Variants in TCF12 observed in about 807,000 individuals in gnomAD.
TCF12 encodes the protein DNA-binding protein HTF4.
TCF12 carries 45 observed loss-of-function variants against 86.0 expected under a neutral mutation model. The ratio of observed to expected loss-of-function variants is 0.52; its 90% CI spans 0.41 to 0.67. The LOEUF (loss-of-function observed/expected upper bound fraction) is 0.67. Among genes scored for constraint, TCF12 ranks in the 30% least tolerant of loss-of-function variants. The pLI is 0.00. For missense variants in TCF12, 881 were observed against 859.9 expected, an observed-to-expected ratio of 1.02 and a Z score of -0.31; for synonymous variants, 330 against 299.6, an observed-to-expected ratio of 1.10 and a Z score of -1.05.
intron 12 of TCF12, among the ~76,000 whole-genome samples, chr15:57,241,072 G>A (rs1417131948): frequency 6.6e-6 from 1 of 151,244 alleles, no homozygotes; most frequent in Non-Finnish European, 1.5e-5. Flanking sequence ...GTTTTAAAAG[G>A]TAACAACTTA....
At chr15:57,002,911 AC>A (rs1326813372) in intron 3 of TCF12, among the ~76,000 whole-genome samples, 1 of 152,220 alleles carries the variant, frequency 6.6e-6, no homozygotes, top group Non-Finnish European at 1.5e-5. Context: ...AAAGAGGATC[AC>A]TTCTAAAATC....
intron 3 of TCF12, among the ~76,000 whole-genome samples, chr15:56,923,425 TG>T (rs1463824486): frequency 1.3e-5 from 2 of 152,132 alleles, no homozygotes; most frequent in African/African-American, 4.8e-5. Context: ...GGATCTGTTA[TG>T]TTATTCCTTC....
chr15:57,022,037 C>A (rs548859876), intron 3 of TCF12, among the ~76,000 whole-genome samples: 13 of 150,984 alleles, frequency 8.6e-5, no homozygotes, highest in African/African-American at 3.2e-4. Context: ...ATTTGTCAGG[C>A]AGATCTTTTC....
At chr15:57,248,685 A>G (rs1020307982) in intron 13 of TCF12, among the ~76,000 whole-genome samples, 1 of 152,260 alleles carries the variant, frequency 6.6e-6, no homozygotes, top group Non-Finnish European at 1.5e-5. Flanking sequence ...ATGCTTTAAC[A>G]AAGTGCGTTA....
chr15:57,270,406 A>G (rs915816391), intron 18 of TCF12, among the ~76,000 whole-genome samples: 18 of 152,136 alleles, frequency 1.2e-4, no homozygotes, highest in African/African-American at 4.3e-4. Flanking sequence ...TTTCAGCTCC[A>G]TCAGGTCATT....
chr15:57,255,287 C>CG, intron 16 of TCF12, among the ~76,000 whole-genome samples: 1 of 152,198 alleles, frequency 6.6e-6, no homozygotes, highest in East Asian at 1.9e-4. Flanking sequence ...GGAGACTTAT[C>CG]AAAATGTAGT....
chr15:57,265,922 A>G (rs184426602), intron 18 of TCF12, among the ~76,000 whole-genome samples: 3 of 152,298 alleles, frequency 2.0e-5, no homozygotes, highest in East Asian at 3.9e-4. Flanking sequence ...CTCCAGTATA[A>G]TAAGACCACT....
chr15:57,106,660 G>GA (rs2050151991), intron 5 of TCF12, among the ~76,000 whole-genome samples: 2 of 152,094 alleles, frequency 1.3e-5, no homozygotes, highest in African/African-American at 2.4e-5. Flanking sequence ...AAAATATTTG[G>GA]AAAAGACATG....
intron 8 of TCF12, among the ~76,000 whole-genome samples, chr15:57,211,343 T>A (rs1336234246): frequency 6.6e-6 from 1 of 152,126 alleles, no homozygotes; most frequent in East Asian, 1.9e-4. Context: ...GGTGGGAGGA[T>A]TGCTTGAGCC....
chr15:56,939,139 A>T (rs1025199266), intron 3 of TCF12, among the ~76,000 whole-genome samples: 4 of 152,168 alleles, frequency 2.6e-5, no homozygotes, highest in Non-Finnish European at 4.4e-5. Flanking sequence ...CATTTACGAA[A>T]TCTTCCCCAG....
At chr15:57,035,965 G>C (rs1383411751) in intron 3 of TCF12, among the ~76,000 whole-genome samples, 1 of 152,164 alleles carries the variant, frequency 6.6e-6, no homozygotes, top group Non-Finnish European at 1.5e-5. Flanking sequence ...CGTGTGGGGG[G>C]ATCTAGATTG....
chr15:57,128,115 A>G (rs1215115111), intron 5 of TCF12, among the ~76,000 whole-genome samples: 2 of 152,178 alleles, frequency 1.3e-5, no homozygotes, highest in East Asian at 3.8e-4. Flanking sequence ...GGCTGTCTTC[A>G]GTATATTTTC....
chr15:57,247,211 C>A (rs1386060509), intron 13 of TCF12: 2 of 615,222 alleles, frequency 3.3e-6, no homozygotes, highest in Non-Finnish European at 6.0e-6. Flanking sequence ...ACTACTGTAA[C>A]CAGGACTACC....
At chr15:57,151,242 A>T (rs984899609) in intron 5 of TCF12, among the ~76,000 whole-genome samples, 60 of 149,336 alleles carry the variant, frequency 4.0e-4, no homozygotes, top group African/African-American at 1.4e-3. Flanking sequence ...TCGTCCCCTG[A>T]GTTGCTGGGA....
intron 3 of TCF12, among the ~76,000 whole-genome samples, chr15:57,014,831 G>T (rs1334448580): frequency 6.6e-6 from 1 of 151,302 alleles, no homozygotes; most frequent in East Asian, 1.9e-4. Flanking sequence ...TCAAGATATG[G>T]GGGTGGGGAG....
chr15:57,245,243 G>A (rs2059805958), intron 13 of TCF12, among the ~76,000 whole-genome samples: 1 of 152,208 alleles, frequency 6.6e-6, no homozygotes, highest in South Asian at 2.1e-4. Context: ...TGAACTGCTG[G>A]CAGCTGCTTT....
chr15:56,972,221 T>C (rs1313031846), intron 3 of TCF12, among the ~76,000 whole-genome samples: 1 of 152,258 alleles, frequency 6.6e-6, no homozygotes, highest in Non-Finnish European at 1.5e-5. Context: ...ACAGCCCTTT[T>C]GGAAGGAACT....
intron 5 of TCF12, among the ~76,000 whole-genome samples, chr15:57,142,806 A>T (rs1489619564): frequency 1.3e-5 from 2 of 152,146 alleles, no homozygotes; most frequent in African/African-American, 2.4e-5. Context: ...TGCATTGAGA[A>T]CACAGCATCA....
At chr15:57,094,769 A>G (rs140852471) in intron 5 of TCF12, among the ~76,000 whole-genome samples, 204 of 152,336 alleles carry the variant, frequency 1.3e-3, no homozygotes, top group Non-Finnish European at 2.6e-3. Flanking sequence ...CTGTCAACAT[A>G]TAAAAACACC....
Sources: allele counts gnomAD v4.1 joint callset (sites outside exome capture counted in the v4.1 genomes callset), GRCh38; gene constraint gnomAD v4.1.1; transcripts MANE v1.5; gene names NCBI Gene and HGNC (gene_info 2026-07-23, HGNC 2026-07-21).